THSD7A: variants seen among roughly 807,000 people sequenced by gnomAD.
THSD7A encodes the protein thrombospondin type-1 domain-containing protein 7A.
In THSD7A, 96 loss-of-function variants were observed where a neutral mutation model predicts 231.3. The ratio of observed to expected loss-of-function variants is 0.41; its 90% CI spans 0.35 to 0.49. The LOEUF is 0.49. Ranked by LOEUF, THSD7A falls within the 20% of genes least tolerant of loss-of-function variation. The pLI, the probability that THSD7A is intolerant of heterozygous loss-of-function variation, is 0.05. For missense variants in THSD7A, 2,290 were observed against 2,070.2 expected, an observed-to-expected ratio of 1.11 and a Z score of -2.06; for synonymous variants, 940 against 743.3, an observed-to-expected ratio of 1.26 and a Z score of -4.30.
At chr7:11,621,758 A>G (rs1781317888) in intron 2 of THSD7A, among the ~76,000 whole-genome samples, 1 of 152,140 alleles carries the variant, frequency 6.6e-6, no homozygotes, top group African/African-American at 2.4e-5. Context: ...AAAATTCTGC[A>G]TTCATAAATT....
At chr7:11,551,945 G>T (rs531689284) in intron 4 of THSD7A, among the ~76,000 whole-genome samples, 2 of 152,024 alleles carry the variant, frequency 1.3e-5, no homozygotes, top group African/African-American at 4.8e-5. Context: ...AATCAACCTA[G>T]ATGCCCATCA....
chr7:11,732,332 G>A (rs1781764145), intron 1 of THSD7A, among the ~76,000 whole-genome samples: 1 of 151,762 alleles, frequency 6.6e-6, no homozygotes, highest in Non-Finnish European at 1.5e-5. Context: ...CTGCAATTCA[G>A]AAATGTAAAA....
At chr7:11,387,746 T>A (rs1782815368) in intron 23 of THSD7A, among the ~76,000 whole-genome samples, 1 of 152,182 alleles carries the variant, frequency 6.6e-6, no homozygotes, top group East Asian at 1.9e-4. Flanking sequence ...CCATACTATG[T>A]TGAATAGGAG....
chr7:11,599,654 A>G (rs1002301120), intron 2 of THSD7A, among the ~76,000 whole-genome samples: 3 of 152,214 alleles, frequency 2.0e-5, no homozygotes, highest in Admixed American at 2.0e-4. Flanking sequence ...CATAATTATG[A>G]CCTTACTATT....
chr7:11,539,958 C>A lies in THSD7A; in HGVS notation c.1822+1461G>T, dbSNP rs984741. On this transcript the variant is annotated intron_variant, in intron 6 of 27. Transcript: ENST00000423059. Reference sequence around the variant, plus strand: ...GTACTATTACTGAGGGAATTCAATACGACCCTGACTGTTTTTACAGCAATT... The same window carrying A: ...GTACTATTACTGAGGGAATTCAATAAGACCCTGACTGTTTTTACAGCAATT... Among the ~76,000 whole-genome samples the A allele has an allele frequency of 2.4e-4, 37 of 152,288 alleles. No homozygotes were observed. The South Asian group carries it at 5.2e-3, about 21-fold the overall frequency.
chr7:11,650,233 T>A (rs1782440793), intron 1 of THSD7A, among the ~76,000 whole-genome samples: 1 of 152,054 alleles, frequency 6.6e-6, no homozygotes, highest in South Asian at 2.1e-4. Context: ...ACTCATCCAG[T>A]TTTGTTCTAC....
chr7:11,733,827 G>C (rs1052055532), intron 1 of THSD7A, among the ~76,000 whole-genome samples: 1 of 151,800 alleles, frequency 6.6e-6, no homozygotes, highest in African/African-American at 2.4e-5. Context: ...GATATACAAA[G>C]ATATTTTTCA....
intron 1 of THSD7A, among the ~76,000 whole-genome samples, chr7:11,734,689 T>C (rs1252046080): frequency 6.6e-6 from 1 of 151,992 alleles, no homozygotes; most frequent in East Asian, 1.9e-4. Flanking sequence ...ATAAACATTA[T>C]TTTCTTATTC....
At chr7:11,584,797 T>C (rs1791325002) in intron 4 of THSD7A, among the ~76,000 whole-genome samples, 1 of 152,224 alleles carries the variant, frequency 6.6e-6, no homozygotes, top group African/African-American at 2.4e-5. Context: ...TCATGTCATT[T>C]GATTTAAGGA....
intron 1 of THSD7A, among the ~76,000 whole-genome samples, chr7:11,792,608 T>TG (rs1335823486): frequency 6.6e-6 from 1 of 151,958 alleles, no homozygotes; most frequent in Non-Finnish European, 1.5e-5. Context: ...GTGAATGTAA[T>TG]GTCTTCTAAC....
intron 2 of THSD7A, among the ~76,000 whole-genome samples, chr7:11,603,384 G>A (rs1273327021): frequency 6.6e-6 from 1 of 152,080 alleles, no homozygotes; most frequent in Non-Finnish European, 1.5e-5. Context: ...ACCAACAGGT[G>A]CTGGAGAGGA....
intron 1 of THSD7A, among the ~76,000 whole-genome samples, chr7:11,822,875 G>T (rs1784915161): frequency 1.3e-5 from 2 of 151,826 alleles, no homozygotes; most frequent in East Asian, 1.9e-4. Context: ...TGAATAGTTA[G>T]CAAATATTTT....
chr7:11,735,609 GATAA>G (rs1314164244), intron 1 of THSD7A, among the ~76,000 whole-genome samples: 1 of 151,856 alleles, frequency 6.6e-6, no homozygotes, highest in Non-Finnish European at 1.5e-5. Context: ...CATTTCTGGT[GATAA>G]ATATTTTGGA....
rs1191799577 is a variant in THSD7A at position 11,399,313 on chromosome 7, C to G, written c.4411+2482G>C. On this transcript the variant is annotated intron_variant, in intron 23 of 27. Coordinates refer to ENST00000423059, the MANE Select transcript of THSD7A (RefSeq NM_015204.3). ...ACATTTTTACTTCTGTTAGAAAAAG[C>G]TATTCACCGAATTATATTCTATTTT... is the stretch of plus-strand genomic sequence containing the variant. 2.0e-5 allele frequency among the ~76,000 whole-genome samples: 3 copies of G among 152,110 alleles called. No homozygotes were observed. In the East Asian group the frequency reaches 5.8e-4, roughly 29 times the overall value.
chr7:11,541,122 G>C (rs1311900276), intron 6 of THSD7A, among the ~76,000 whole-genome samples: 5 of 152,018 alleles, frequency 3.3e-5, no homozygotes, highest in African/African-American at 7.2e-5. Context: ...ACTTGTTATT[G>C]TTAAATTTGG....
chr7:11,653,753 G>A (rs1562446174), intron 1 of THSD7A, among the ~76,000 whole-genome samples: 2 of 151,800 alleles, frequency 1.3e-5, no homozygotes, highest in Non-Finnish European at 2.9e-5. Flanking sequence ...GCAGGAATTG[G>A]CTGAAGTCTA....
At chr7:11,520,670 T>C (rs1788226661) in intron 6 of THSD7A, among the ~76,000 whole-genome samples, 1 of 152,226 alleles carries the variant, frequency 6.6e-6, no homozygotes, top group Non-Finnish European at 1.5e-5. Flanking sequence ...CAAAAGAGTT[T>C]ACAATTGTAA....
chr7:11,415,923 TCTC>T (rs542421985), intron 17 of THSD7A, among the ~76,000 whole-genome samples: 6 of 152,154 alleles, frequency 3.9e-5, no homozygotes, highest in Non-Finnish European at 7.3e-5. Flanking sequence ...ACACTTATCT[TCTC>T]CTGCCCAAAA....
chr7:11,595,788 A>C (rs961713004), intron 2 of THSD7A, among the ~76,000 whole-genome samples: 5 of 152,220 alleles, frequency 3.3e-5, no homozygotes, highest in Admixed American at 6.5e-5. Flanking sequence ...ACTTAAATAC[A>C]ATGAGAATAA....
Sources: gnomAD v4.1 joint callset for allele counts (sites outside exome capture counted in the v4.1 genomes callset) on GRCh38, gnomAD v4.1.1 for gene constraint, MANE v1.5 for transcripts, NCBI Gene and HGNC (gene_info 2026-07-23, HGNC 2026-07-21) for gene names.